FAM81A: variants seen among roughly 807,000 people sequenced by gnomAD.
The protein encoded by FAM81A is protein FAM81A.
FAM81A carries 19 observed loss-of-function variants against 46.7 expected under a neutral mutation model. The ratio of observed to expected loss-of-function variants is 0.41; its 90% confidence interval spans 0.28 to 0.60. The LOEUF is 0.60. FAM81A is among the 20% of genes least tolerant of loss of function. The pLI, the probability that FAM81A is intolerant of heterozygous loss-of-function variation, is 0.34. For missense variants in FAM81A, 377 were observed against 453.5 expected (o/e 0.83, Z 1.53); for synonymous variants, 183 against 152.9 (o/e 1.20, Z -1.45).
chr15:59,507,289 C>T lies in FAM81A; in HGVS notation c.490C>T (p.Gln164Ter), dbSNP rs777787959. ...YEGLQHLNKE[Q>*]QAAKLILETK... ...GGGGCTCCAGCACTTGAACAAAGAA[C>T]AGCAGGCTGCCAAACTTATCTTGGA... is the stretch of plus-strand genomic sequence containing the variant. The change falls in exon 5 of 9, where the codon CAG (glutamine) becomes TAG (stop). Residue 164 changes from glutamine (Q) to a stop codon, truncating the protein, a stop_gained. Coordinates refer to ENST00000288228, the MANE Select transcript of FAM81A (RefSeq NM_152450.3). LOFTEE classifies it high-confidence loss of function. 4 of 1,612,118 alleles carry T rather than the reference C, an allele frequency of 2.5e-6. No homozygotes were observed. Among genetic ancestry groups the T allele is most frequent in the Admixed American group, 1.7e-5 (1 of 59,712 alleles).
intron 1 of FAM81A, chr15:59,401,901 C>T (rs555325690): frequency 1.3e-6 from 1 of 763,268 alleles, no homozygotes; most frequent in South Asian, 1.4e-5. Flanking sequence ...CTTCTTTGAA[C>T]ATTCATGAGC....
intron 4 of FAM81A, among the ~76,000 whole-genome samples, chr15:59,499,263 G>A (rs1364966436): frequency 6.6e-6 from 1 of 151,842 alleles, no homozygotes. Flanking sequence ...GTATTTTGTT[G>A]AAATGACACC....
chr15:59,514,189 G>A, intron 6 of FAM81A, 100 bp from the exon 7 acceptor site: 3 of 1,243,036 alleles, frequency 2.4e-6, no homozygotes, highest in Non-Finnish European at 2.2e-6. Flanking sequence ...GTTTACCTGT[G>A]TAACAAATCT....
intron 3 of FAM81A, among the ~76,000 whole-genome samples, chr15:59,472,053 CT>C (rs2081699737): frequency 6.6e-6 from 1 of 152,078 alleles, no homozygotes; most frequent in African/African-American, 2.4e-5. Flanking sequence ...TTGGATTTAC[CT>C]TTCTTTCATT....
At chr15:59,503,032 G>A (rs1224270241) in intron 4 of FAM81A, among the ~76,000 whole-genome samples, 7 of 152,018 alleles carry the variant, frequency 4.6e-5, no homozygotes, top group African/African-American at 9.7e-5. Flanking sequence ...CCTGAGGTCA[G>A]GAGTTCTGAG....
At chr15:59,500,446 C>T (rs1051875369) in intron 4 of FAM81A, among the ~76,000 whole-genome samples, 1 of 151,840 alleles carries the variant, frequency 6.6e-6, no homozygotes, top group Non-Finnish European at 1.5e-5. Flanking sequence ...TGTAGGCATG[C>T]ATCACCATGC....
chr15:59,476,096 G>A (rs1325448738), intron 3 of FAM81A, among the ~76,000 whole-genome samples: 1 of 152,196 alleles, frequency 6.6e-6, no homozygotes, highest in African/African-American at 2.4e-5. Context: ...AGAAAGTAGA[G>A]AGCAGAAGCA....
intron 2 of FAM81A, among the ~76,000 whole-genome samples, chr15:59,428,329 T>C (rs1261169084): frequency 6.6e-6 from 1 of 152,062 alleles, no homozygotes; most frequent in Non-Finnish European, 1.5e-5. Context: ...AGTCCTCTAC[T>C]TAATCCAATC....
Position 59,416,015 on chromosome 15 carries a change from TA to T in FAM81A, c.-78+13660del, listed in dbSNP as rs370901865. Among the ~76,000 whole-genome samples, 50 of 152,316 alleles carry T rather than the reference TA, an allele frequency of 3.3e-4. No homozygotes were observed. The East Asian group carries it at 9.5e-3, about 29-fold the overall frequency. ...TGTAGGGCTGCTCTTCTAAAACATTTAAACAAATCTGTTTATATGTTTACTT... is the reference window on the plus strand; with the variant it reads ...TGTAGGGCTGCTCTTCTAAAACATTTAACAAATCTGTTTATATGTTTACTT... On this transcript the variant is annotated intron_variant, in intron 2 of 4. Transcript: ENST00000558348.
At chr15:59,400,400 A>G (rs568939502) in intron 1 of FAM81A, among the ~76,000 whole-genome samples, 2 of 151,424 alleles carry the variant, frequency 1.3e-5, no homozygotes, top group African/African-American at 2.5e-5. Flanking sequence ...CCAAGCTACT[A>G]TCATCCTCTC....
At chr15:59,428,066 T>G (rs574038816) in intron 2 of FAM81A, among the ~76,000 whole-genome samples, 1 of 152,350 alleles carries the variant, frequency 6.6e-6, no homozygotes, top group East Asian at 1.9e-4. Context: ...TTGCCAGCGT[T>G]TGTTATTGCC....
intron 3 of FAM81A, among the ~76,000 whole-genome samples, chr15:59,484,754 G>A (rs2081896856): frequency 6.6e-6 from 1 of 152,122 alleles, no homozygotes; most frequent in Non-Finnish European, 1.5e-5. Flanking sequence ...AAAAGTAAAG[G>A]GGACTTTGTC....
chr15:59,452,863 G>T (rs2081436049), intron 1 of FAM81A, among the ~76,000 whole-genome samples: 1 of 152,136 alleles, frequency 6.6e-6, no homozygotes, highest in Non-Finnish European at 1.5e-5. Flanking sequence ...ACCAGGCTCA[G>T]GTGGTCCTCC....
intron 3 of FAM81A, among the ~76,000 whole-genome samples, chr15:59,467,829 A>G (rs1284014898): frequency 4.6e-5 from 7 of 152,180 alleles, no homozygotes; most frequent in African/African-American, 1.7e-4. Flanking sequence ...ATTCAGTATG[A>G]TATTGGCTGT....
chr15:59,431,494 C>G (rs1168069134), intron 2 of FAM81A, among the ~76,000 whole-genome samples: 1 of 150,910 alleles, frequency 6.6e-6, no homozygotes, highest in African/African-American at 2.4e-5. Context: ...TGGCCTCCCA[C>G]AGTGCTGGGA....
At chr15:59,461,220 T>C (rs539271173) in intron 3 of FAM81A, among the ~76,000 whole-genome samples, 12 of 152,336 alleles carry the variant, frequency 7.9e-5, no homozygotes, top group African/African-American at 2.4e-4. Context: ...TCTCTAGAAA[T>C]TGGTCTTTTC....
rs557826732 is a variant in FAM81A at position 59,465,028 on chromosome 15, A to G, written c.294+4822A>G. 1.2e-4 allele frequency among the ~76,000 whole-genome samples: 18 copies of G among 152,266 alleles called. No individual in the cohort carries two copies. In the South Asian group the frequency reaches 3.5e-3, roughly 30 times the overall value. On this transcript the variant is annotated intron_variant, in intron 3 of 8. Transcript: ENST00000288228. ...TGGGGGCCTAGTTTAATTCTTTTGC[A>G]TATGGATGTCCAGCTTTCCCAGCAC... is the stretch of plus-strand genomic sequence containing the variant.
chr15:59,435,173 G>T (rs1324589852), upstream of FAM81A, among the ~76,000 whole-genome samples: 7 of 152,170 alleles, frequency 4.6e-5, no homozygotes, highest in African/African-American at 1.7e-4. Context: ...TGTAGTCCCA[G>T]CTCCTCGGGA....
intron 4 of FAM81A, among the ~76,000 whole-genome samples, chr15:59,504,990 A>G (rs73417082): frequency 0.1 from 15,325 of 152,180 alleles, 1,511 homozygotes; most frequent in African/African-American, 0.26. Flanking sequence ...TCTTTCTTCA[A>G]TTTTAGAAAA....
Sources: allele counts gnomAD v4.1 joint callset (sites outside exome capture counted in the v4.1 genomes callset), GRCh38; gene constraint gnomAD v4.1.1; transcripts MANE v1.5; gene names NCBI Gene and HGNC (gene_info 2026-07-23, HGNC 2026-07-21).